Variants in HTATIP2 observed in about 807,000 individuals in gnomAD.
HTATIP2 encodes HIV-1 Tat interactive protein 2.
Under a neutral mutation model 24.7 loss-of-function variants are expected in HTATIP2, and 26 were observed. The observed-to-expected ratio is 1.05, with a 90% CI of 0.77 to 1.46. HTATIP2 has a LOEUF of 1.46. HTATIP2 is among the 40% of genes most tolerant of loss of function. The pLI, the probability that HTATIP2 is intolerant of heterozygous loss-of-function variation, is 0.00. For synonymous variants in HTATIP2, 99 were observed against 113.2 expected, an observed-to-expected ratio of 0.87 and a Z score of 0.79; for missense variants, 284 against 289.6, an observed-to-expected ratio of 0.98 and a Z score of 0.14.
rs1848451237 is a variant in HTATIP2, at chr11:20,376,645, G to A, written c.369G>A (p.Gly123=). The A allele has an allele frequency of 6.2e-7, 1 of 1,613,908 alleles. No homozygotes were observed. Among genetic ancestry groups the A allele is most frequent in the South Asian group, 1.1e-5 (1 of 91,062 alleles). Residue 123 remains glycine (G), a synonymous_variant, in exon 3 of 5, where the codon GGG becomes GGA. Coordinates refer to ENST00000451739, the MANE Select transcript of HTATIP2 (RefSeq NM_001098522.2). ...LKSAELAKAG[G]CKHFNLLSSK... is the part of the protein sequence containing the mutation. ...CTGCAGAGCTGGCAAAAGCTGGAGG[G>A]TGCAAACATTTCAACTTGCTATCCT...
chr11:20,363,762 T>A lies in HTATIP2; in HGVS notation c.-476T>A. The A allele has an allele frequency of 8.1e-7, 1 of 1,237,542 alleles. No homozygotes were observed. Among genetic ancestry groups the A allele is most frequent in the Non-Finnish European group, 1.0e-6 (1 of 986,926 alleles). 76.7% of individuals were successfully genotyped at this position (1,237,542 alleles called of 1,614,324 possible). The stretch of plus-strand genomic sequence containing the variant: ...AAGACCAAGCCGGGTAGGCGCTGTC[T>A]CCGTCGCCTCCAACCCCCCCGGTCC... On this transcript the variant is annotated 5_prime_UTR_variant, in exon 1 of 5. Transcript: ENST00000451739.
chr11:20,377,231 AG>A (rs1342306144), intron 3 of HTATIP2, among the ~76,000 whole-genome samples: 1 of 150,352 alleles, frequency 6.7e-6, no homozygotes, highest in Non-Finnish European at 1.5e-5. Context: ...TAGAGGCATG[AG>A]CCACCATGCC....
chr11:20,377,800 G>A (rs1217312272), intron 3 of HTATIP2, among the ~76,000 whole-genome samples: 2 of 152,178 alleles, frequency 1.3e-5, no homozygotes, highest in Non-Finnish European at 2.9e-5. Context: ...TATCAGTTCT[G>A]CCTTTTAAAA....
intron 4 of HTATIP2, among the ~76,000 whole-genome samples, chr11:20,382,638 G>A (rs1022827654): frequency 1.3e-5 from 2 of 152,036 alleles, no homozygotes; most frequent in African/African-American, 2.4e-5. Flanking sequence ...GTTGGTGTCC[G>A]GTGAGGCCTC....
rs1848552967 is a variant in HTATIP2 at position 20,383,493 on chromosome 11, C to T, written c.*288C>T. The T allele has an allele frequency of 2.8e-6, 1 of 357,924 alleles. No homozygotes were observed. The highest frequency in any genetic ancestry group is 4.4e-5 in the Admixed American group (1 of 22,618). The allele number at this position is 357,924 out of a possible 1,614,324, so 22.2% of individuals were successfully genotyped here. A position where few individuals can be genotyped will look rare whatever the true frequency, so the allele number is the denominator to read the frequency against. On this transcript the variant is annotated 3_prime_UTR_variant, in exon 5 of 5. Transcript: ENST00000451739. ...TAATCTGTAATTTTCTTTGTTTATA[C>T]TTCCCCTGATGCCACTGGTTCCGAT...
At chr11:20,380,900 T>G (rs963104611) in intron 3 of HTATIP2, among the ~76,000 whole-genome samples, 1 of 152,128 alleles carries the variant, frequency 6.6e-6, no homozygotes, top group African/African-American at 2.4e-5. Context: ...AATATTATGC[T>G]AAGTGTGAGG....
chr11:20,366,459 CCAA>C (rs1002659134), intron 1 of HTATIP2, among the ~76,000 whole-genome samples: 1 of 152,058 alleles, frequency 6.6e-6, no homozygotes, highest in African/African-American at 2.4e-5. Flanking sequence ...AGGATGGAAA[CCAA>C]CATTTTATCG....
At position 20,363,890 on chromosome 11, in the gene HTATIP2, C is replaced by T. The variant is rs1353056032; in HGVS notation, c.-348C>T. 7 of 1,243,068 alleles carry T rather than the reference C, an allele frequency of 5.6e-6. No homozygotes were observed. The highest frequency in any genetic ancestry group is 1.6e-5 in the African/African-American group (1 of 64,394). 77.0% of individuals were successfully genotyped at this position (1,243,068 alleles called of 1,614,324 possible). ...CCTGCTCCTGCTGCGTCGTGAGGAC[C>T]CGGGGCCGGGGGCTGGCCCCAGGTA... On this transcript the variant is annotated 5_prime_UTR_variant, in exon 1 of 5. Transcript: ENST00000451739.
At chr11:20,380,567 G>T (rs1467685128) in intron 3 of HTATIP2, among the ~76,000 whole-genome samples, 1 of 151,652 alleles carries the variant, frequency 6.6e-6, no homozygotes, top group African/African-American at 2.4e-5. Context: ...AGCTGCTCGG[G>T]AGGCTGAGGC....
intron 2 of HTATIP2, among the ~76,000 whole-genome samples, chr11:20,372,071 AC>A (rs2064778053): frequency 6.6e-6 from 1 of 152,094 alleles, no homozygotes; most frequent in African/African-American, 2.4e-5. Context: ...AGAATGATAG[AC>A]CCACCCTTCT....
At chr11:20,382,908 C>G in intron 4 of HTATIP2, 72 bp from the exon 5 acceptor site, 1 of 1,090,576 alleles carries the variant, frequency 9.2e-7, no homozygotes. Context: ...TCCGTAATGC[C>G]CACTGTGGTC....
rs148855335 is a variant in HTATIP2, at chr11:20,368,227, G to A, written c.303+946G>A. 3.2e-4 allele frequency among the ~76,000 whole-genome samples: 48 copies of A among 152,098 alleles called. 1 individual carries two copies. In the East Asian group the frequency reaches 9.1e-3, roughly 29 times the overall value. On this transcript the variant is annotated intron_variant, in intron 2 of 4. Coordinates refer to ENST00000451739, the MANE Select transcript of HTATIP2 (RefSeq NM_001098522.2). The stretch of plus-strand genomic sequence containing the variant: ...ATATATATGACTATGACTCTGCCAT[G>A]GGAATTCTCCTTAGGTTTATAAGCC...
chr11:20,372,758 T>A (rs1340526106), intron 2 of HTATIP2, among the ~76,000 whole-genome samples: 1 of 152,210 alleles, frequency 6.6e-6, no homozygotes, highest in East Asian at 1.9e-4. Context: ...GTTGTTTTTT[T>A]AATCGAGCTA....
At chr11:20,377,087 T>A (rs889228590) in intron 3 of HTATIP2, among the ~76,000 whole-genome samples, 2 of 152,104 alleles carry the variant, frequency 1.3e-5, no homozygotes, top group Non-Finnish European at 2.9e-5. Context: ...TGGAGAAATC[T>A]ATCCTGAAGC....
intron 2 of HTATIP2, among the ~76,000 whole-genome samples, chr11:20,368,326 T>A (rs1008858056): frequency 1.8e-4 from 27 of 152,208 alleles, no homozygotes; most frequent in Non-Finnish European, 3.7e-4. Context: ...AGTAGTTAGA[T>A]TCAGATGTAT....
At chr11:20,382,072 G>A (rs961494095) in intron 3 of HTATIP2, 106 bp from the exon 4 acceptor site, 1 of 672,652 alleles carries the variant, frequency 1.5e-6, no homozygotes, top group Non-Finnish European at 2.6e-6. Flanking sequence ...TGAGTATTGA[G>A]ATCTGCAAAA....
In HTATIP2 at chr11:20,366,698, T is replaced by A. The variant is rs186303205; in HGVS notation, c.196-476T>A. On this transcript the variant is annotated intron_variant, in intron 1 of 4. Transcript: ENST00000451739. Reference sequence around the variant, plus strand: ...AATGCAAATGGTTCATGGATTGGACTGAAGGAAAGATTATCACCCCCATTT... The same window carrying A: ...AATGCAAATGGTTCATGGATTGGACAGAAGGAAAGATTATCACCCCCATTT... Among the ~76,000 whole-genome samples the A allele has an allele frequency of 1.1e-4, 17 of 152,004 alleles. No homozygotes were observed. The East Asian group carries it at 2.9e-3, about 26-fold the overall frequency.
At chr11:20,380,395 G>A (rs979555740) in intron 3 of HTATIP2, among the ~76,000 whole-genome samples, 2 of 152,116 alleles carry the variant, frequency 1.3e-5, no homozygotes, top group Non-Finnish European at 2.9e-5. Context: ...GAAATGGGCT[G>A]GGCGCGGTGG....
In HTATIP2 at chr11:20,376,682, G is replaced by A; in HGVS notation, c.406G>A (p.Asp136Asn). 9 of 1,610,702 alleles carry A rather than the reference G, an allele frequency of 5.6e-6. No individual in the cohort carries two copies. The highest frequency in any genetic ancestry group is 7.6e-6 in the Non-Finnish European group (9 of 1,179,054). The change falls in exon 3 of 5, where the codon GAT (aspartate) becomes AAT (asparagine). Residue 136 changes from aspartate (D) to asparagine (N), a missense_variant. Physicochemically the swap from Asp to Asn is conservative, Grantham distance 23 (BLOSUM62 1). Transcript: ENST00000451739. The stretch of plus-strand genomic sequence containing the variant: ...CAACTTGCTATCCTCTAAAGGAGCT[G>A]ATAAATCAAGCAATTTTTTATATCT... ...HFNLLSSKGA[D>N]KSSNFLYLQV...
Sources: gnomAD v4.1 joint callset for allele counts (sites outside exome capture counted in the v4.1 genomes callset) on GRCh38, gnomAD v4.1.1 for gene constraint, MANE v1.5 for transcripts, NCBI Gene and HGNC (gene_info 2026-07-23, HGNC 2026-07-21) for gene names.